ATXN8OS: variants seen among roughly 807,000 people sequenced by gnomAD.
ATXN8OS encodes the protein ATXN8 opposite strand lncRNA, also known as ATXN8 opposite strand (non-protein coding).
intron 3 of ATXN8OS, among the ~76,000 whole-genome samples, chr13:70,146,612 T>C (rs1268904903): frequency 3.3e-5 from 5 of 152,098 alleles, no homozygotes; most frequent in African/African-American, 1.2e-4. Context: ...ATGTCCTTTG[T>C]AGGGACATGG....
chr13:70,129,808 C>CA (rs1396172964), exon 3 of ATXN8OS: 1 of 398,290 alleles, frequency 2.5e-6, no homozygotes, highest in Non-Finnish European at 4.4e-6. Context: ...CCATCAATGA[C>CA]AAAAATCCTA....
At chr13:70,121,042 G>A (rs965938927) in intron 2 of ATXN8OS, among the ~76,000 whole-genome samples, 4 of 151,572 alleles carry the variant, frequency 2.6e-5, no homozygotes, top group Non-Finnish European at 5.9e-5. Context: ...TGCACGTTGT[G>A]CACATGTAAC....
chr13:70,151,517 A>C (rs904466196), intron 4 of ATXN8OS, among the ~76,000 whole-genome samples: 1 of 152,150 alleles, frequency 6.6e-6, no homozygotes, highest in Non-Finnish European at 1.5e-5. Flanking sequence ...AAGTAAAGGC[A>C]CAAGAAACAG....
intron 4 of ATXN8OS, among the ~76,000 whole-genome samples, chr13:70,164,853 G>T (rs1044503510): frequency 2.6e-5 from 4 of 151,830 alleles, no homozygotes; most frequent in African/African-American, 9.7e-5. Flanking sequence ...TCAACTATGT[G>T]CAATAACTGA....
intron 3 of ATXN8OS, among the ~76,000 whole-genome samples, chr13:70,144,145 T>G (rs1888751183): frequency 1.3e-5 from 2 of 152,220 alleles, no homozygotes; most frequent in African/African-American, 4.8e-5. Context: ...GTTTTCTTAT[T>G]GCCCAGAAAT....
exon 1 of ATXN8OS, chr13:70,107,957 G>T (rs1409628821): frequency 6.6e-6 from 3 of 451,992 alleles, no homozygotes. Context: ...AGCAGAGGCA[G>T]GACTGGGACG....
intron 3 of ATXN8OS, among the ~76,000 whole-genome samples, chr13:70,130,205 CT>C (rs1329832787): frequency 6.6e-6 from 1 of 152,066 alleles, no homozygotes; most frequent in Non-Finnish European, 1.5e-5. Flanking sequence ...AAACACATTT[CT>C]TTTTTTATTA....
intron 2 of ATXN8OS, among the ~76,000 whole-genome samples, chr13:70,126,100 T>G (rs1888429912): frequency 6.6e-6 from 1 of 152,164 alleles, no homozygotes. Context: ...TGTAGCATGC[T>G]TAGGAGTGTC....
exon 1 of ATXN8OS, chr13:70,107,851 T>A (rs1888113690): frequency 1.6e-6 from 1 of 608,498 alleles, no homozygotes; most frequent in Non-Finnish European, 2.7e-6. Context: ...GGCTGCGCGC[T>A]CTGCCAGGCG....
intron 1 of ATXN8OS, chr13:70,108,375 G>GA (rs2137464648): frequency 5.0e-6 from 1 of 198,896 alleles, no homozygotes; most frequent in East Asian, 1.2e-4. Flanking sequence ...TTGTAAAAGA[G>GA]AAAAATAGAT....
intron 4 of ATXN8OS, among the ~76,000 whole-genome samples, chr13:70,153,527 A>G (rs1327327578): frequency 6.6e-6 from 1 of 152,230 alleles, no homozygotes; most frequent in Non-Finnish European, 1.5e-5. Flanking sequence ...GTGAGCCAAC[A>G]TCGCACCATT....
chr13:70,116,206 A>G (rs1888275955), intron 2 of ATXN8OS, among the ~76,000 whole-genome samples: 3 of 151,918 alleles, frequency 2.0e-5, no homozygotes, highest in African/African-American at 4.8e-5. Flanking sequence ...AGCACCTTAC[A>G]TTCTTGAGGT....
At chr13:70,126,230 C>A (rs1045392586) in intron 2 of ATXN8OS, among the ~76,000 whole-genome samples, 1 of 152,110 alleles carries the variant, frequency 6.6e-6, no homozygotes. Context: ...GTCCATGATA[C>A]ACTGCAAGCA....
At chr13:70,162,277 C>T (rs545527777) in intron 4 of ATXN8OS, among the ~76,000 whole-genome samples, 31 of 152,066 alleles carry the variant, frequency 2.0e-4, no homozygotes, top group African/African-American at 7.5e-4. Flanking sequence ...TATAGGAAAC[C>T]TGAGACGCAG....
chr13:70,154,703 G>A (rs1888915180), intron 4 of ATXN8OS, among the ~76,000 whole-genome samples: 1 of 152,118 alleles, frequency 6.6e-6, no homozygotes, highest in Non-Finnish European at 1.5e-5. Context: ...CCTCAACAAA[G>A]AGAGAAGAAA....
At chr13:70,135,369 C>T (rs1888597124) in intron 3 of ATXN8OS, among the ~76,000 whole-genome samples, 1 of 152,074 alleles carries the variant, frequency 6.6e-6, no homozygotes, top group South Asian at 2.1e-4. Context: ...TCATTGACCA[C>T]ATGGTTACTG....
intron 4 of ATXN8OS, among the ~76,000 whole-genome samples, chr13:70,150,837 G>T (rs1273809400): frequency 1.3e-5 from 2 of 151,984 alleles, no homozygotes; most frequent in African/African-American, 2.4e-5. Context: ...CACAAAACTT[G>T]TCATATTCAT....
chr13:70,151,113 C>T (rs1001389917), intron 4 of ATXN8OS, among the ~76,000 whole-genome samples: 1 of 152,026 alleles, frequency 6.6e-6, no homozygotes, highest in African/African-American at 2.4e-5. Context: ...CAAACACTTG[C>T]TTGGGCTTGT....
chr13:70,118,256 G>T (rs1432438533), intron 2 of ATXN8OS, among the ~76,000 whole-genome samples: 1 of 152,058 alleles, frequency 6.6e-6, no homozygotes, highest in African/African-American at 2.4e-5. Flanking sequence ...CTTGGCAATA[G>T]TCTGTAAGGA....
Sources: allele counts gnomAD v4.1 joint callset (sites outside exome capture counted in the v4.1 genomes callset), GRCh38; gene constraint gnomAD v4.1.1; transcripts MANE v1.5; gene names NCBI Gene and HGNC (gene_info 2026-07-23, HGNC 2026-07-21).